Variants in LARGE1 observed in about 807,000 individuals in gnomAD.
LARGE1 encodes xylosyl- and glucuronyltransferase LARGE1.
LARGE1 carries 43 observed loss-of-function variants against 87.6 expected under a neutral mutation model. That is an observed-to-expected ratio of 0.49 (90% CI 0.38 to 0.63). The LOEUF (loss-of-function observed/expected upper bound fraction) is 0.63. Ranked by LOEUF, LARGE1 falls within the 30% of genes least tolerant of loss-of-function variation. The probability of loss-of-function intolerance (pLI) is 0.00; values close to 1 mark genes in which losing one functional copy is unlikely to be tolerated. For missense variants in LARGE1, 802 were observed against 1,000.2 expected (o/e 0.80, Z 2.67); for synonymous variants, 434 against 394.6 (o/e 1.10, Z -1.18).
chr22:33,598,992 A>T (rs2079048056), intron 5 of LARGE1, among the ~76,000 whole-genome samples: 1 of 152,224 alleles, frequency 6.6e-6, no homozygotes, highest in South Asian at 2.1e-4. Context: ...TAAACAACAG[A>T]TGTTAGACCA....
chr22:33,674,496 T>C (rs986644107), intron 2 of LARGE1, among the ~76,000 whole-genome samples: 8 of 152,208 alleles, frequency 5.3e-5, no homozygotes, highest in Non-Finnish European at 1.2e-4. Context: ...CTTTAGTTTC[T>C]CAAAAGACTA....
intron 2 of LARGE1, among the ~76,000 whole-genome samples, chr22:33,686,870 A>G (rs907369833): frequency 6.6e-6 from 1 of 152,168 alleles, no homozygotes. Flanking sequence ...GTTTATCTGA[A>G]ATTCAAATTT....
At chr22:33,767,467 A>G (rs1417800619) in intron 1 of LARGE1, among the ~76,000 whole-genome samples, 2 of 148,592 alleles carry the variant, frequency 1.3e-5, no homozygotes, top group Non-Finnish European at 3.0e-5. Flanking sequence ...TAATATATAT[A>G]CATATATATT....
chr22:33,842,869 T>C (rs1162087098), intron 1 of LARGE1, among the ~76,000 whole-genome samples: 1 of 152,164 alleles, frequency 6.6e-6, no homozygotes, highest in Non-Finnish European at 1.5e-5. Context: ...TCCAGCATTT[T>C]ACCTGTTGCT....
chr22:33,581,811 C>CAAAA (rs130418), intron 5 of LARGE1, among the ~76,000 whole-genome samples: 3 of 77,388 alleles, frequency 3.9e-5, no homozygotes, highest in African/African-American at 1.2e-4. Flanking sequence ...AACTCCGTCT[C>CAAAA]AAAAAAAAAA....
In LARGE1 at chr22:33,272,546, CTTT is replaced by C. The variant is rs1211609031; in HGVS notation, c.*1878_*1880del. Among the ~76,000 whole-genome samples, 1 of 152,126 alleles carries C rather than the reference CTTT, an allele frequency of 6.6e-6. No individual in the cohort carries two copies. The stretch of plus-strand genomic sequence containing the variant: ...TGTTCTGCTTTATACATATATGTCA[CTTT>C]TTATTTATAAATGCTTTGTATATAG... On this transcript the variant is annotated 3_prime_UTR_variant, in exon 15 of 15. Coordinates refer to ENST00000397394, the MANE Select transcript of LARGE1 (RefSeq NM_133642.5).
chr22:33,860,965 T>A (rs2063901635), intron 1 of LARGE1, among the ~76,000 whole-genome samples: 1 of 152,128 alleles, frequency 6.6e-6, no homozygotes, highest in Admixed American at 6.5e-5. Context: ...GCAAGGTCCT[T>A]GGAGTGTGAA....
intron 12 of LARGE1, among the ~76,000 whole-genome samples, chr22:33,301,307 C>T (rs1033233348): frequency 1.3e-5 from 2 of 152,070 alleles, no homozygotes; most frequent in Non-Finnish European, 2.9e-5. Context: ...CTCATAAATA[C>T]TTTGGTGCCT....
chr22:33,755,411 T>C (rs556660723), intron 2 of LARGE1, among the ~76,000 whole-genome samples: 7 of 152,280 alleles, frequency 4.6e-5, no homozygotes, highest in South Asian at 4.2e-4. Flanking sequence ...TTATGAATTA[T>C]CAGAGGGCAG....
chr22:33,262,771 T>C (rs1927706098), intron 11 of LARGE1, among the ~76,000 whole-genome samples: 1 of 143,566 alleles, frequency 7.0e-6, no homozygotes, highest in African/African-American at 2.5e-5. Flanking sequence ...CCCTTCCCTT[T>C]CCTTCCTTCC....
At chr22:33,911,909 T>C (rs1601902892) in intron 1 of LARGE1, among the ~76,000 whole-genome samples, 1 of 152,340 alleles carries the variant, frequency 6.6e-6, no homozygotes, top group East Asian at 1.9e-4. Context: ...TTAAGTCTAC[T>C]GTTACTCACC....
chr22:33,865,690 G>T (rs1750869211), intron 1 of LARGE1, among the ~76,000 whole-genome samples: 1 of 152,012 alleles, frequency 6.6e-6, no homozygotes, highest in South Asian at 2.1e-4. Flanking sequence ...AGCTACACTA[G>T]TATCTTGCCA....
intron 2 of LARGE1, among the ~76,000 whole-genome samples, chr22:33,730,514 C>T (rs1265382573): frequency 6.6e-6 from 1 of 152,124 alleles, no homozygotes; most frequent in Non-Finnish European, 1.5e-5. Flanking sequence ...TGAAAGCTTA[C>T]ACGAATTTTT....
chr22:33,865,460 G>A (rs942164512), intron 1 of LARGE1, among the ~76,000 whole-genome samples: 1 of 152,176 alleles, frequency 6.6e-6, no homozygotes, highest in African/African-American at 2.4e-5. Flanking sequence ...ACCTAAATGA[G>A]TCATTTGGTG....
intron 1 of LARGE1, among the ~76,000 whole-genome samples, chr22:33,786,858 A>G (rs1007137461): frequency 2.0e-5 from 3 of 151,962 alleles, no homozygotes; most frequent in Non-Finnish European, 4.4e-5. Flanking sequence ...CGTCTCTACT[A>G]AAAAATACAA....
intron 11 of LARGE1, among the ~76,000 whole-genome samples, chr22:33,212,764 T>C (rs1925022635): frequency 1.3e-5 from 2 of 152,144 alleles, no homozygotes; most frequent in Admixed American, 1.3e-4. Flanking sequence ...ATGCCTGTAA[T>C]CCCAGCACTT....
At chr22:33,835,457 T>A (rs1382885084) in intron 1 of LARGE1, among the ~76,000 whole-genome samples, 2 of 152,210 alleles carry the variant, frequency 1.3e-5, no homozygotes, top group Non-Finnish European at 2.9e-5. Context: ...GTCATGTTAA[T>A]TAATGCATCG....
chr22:33,362,566 A>C (rs2146908740), intron 9 of LARGE1, among the ~76,000 whole-genome samples: 1 of 150,154 alleles, frequency 6.7e-6, no homozygotes, highest in Middle Eastern at 3.5e-3. Flanking sequence ...TCTCGCTAGT[A>C]GGATGTCAGA....
At chr22:33,547,466 G>A (rs541581837) in intron 6 of LARGE1, among the ~76,000 whole-genome samples, 3 of 152,164 alleles carry the variant, frequency 2.0e-5, no homozygotes, top group African/African-American at 4.8e-5. Flanking sequence ...CCGGTCTGGC[G>A]CCCAGGGTTT....
Sources: gnomAD v4.1 joint callset for allele counts (sites outside exome capture counted in the v4.1 genomes callset) on GRCh38, gnomAD v4.1.1 for gene constraint, MANE v1.5 for transcripts, NCBI Gene and HGNC (gene_info 2026-07-23, HGNC 2026-07-21) for gene names.